Variants in RXFP1 observed in about 807,000 individuals in gnomAD.
RXFP1 encodes relaxin receptor 1.
Under a neutral mutation model 89.8 loss-of-function variants are expected in RXFP1, and 73 were observed. That is an observed-to-expected ratio of 0.81 (90% CI 0.67 to 0.99). The LOEUF (loss-of-function observed/expected upper bound fraction) is 0.99. Ranked by LOEUF, RXFP1 falls within the 50% of genes least tolerant of loss-of-function variation. The pLI is 0.00. For missense variants in RXFP1, 793 were observed against 895.5 expected (o/e 0.89, Z 1.46); for synonymous variants, 277 against 305.5 (o/e 0.91, Z 0.97).
chr4:158,563,581 G>C (rs1218080456), intron 1 of RXFP1, among the ~76,000 whole-genome samples: 1 of 151,030 alleles, frequency 6.6e-6, no homozygotes, highest in Non-Finnish European at 1.5e-5. Context: ...ACATGCAAAA[G>C]AGACCAATAA....
chr4:158,575,456 G>T (rs1755994433), intron 2 of RXFP1, among the ~76,000 whole-genome samples: 1 of 152,202 alleles, frequency 6.6e-6, no homozygotes, highest in Non-Finnish European at 1.5e-5. Flanking sequence ...TGGACTGAAT[G>T]CTTGTGTCCC....
chr4:158,594,871 T>G (rs1760229016), intron 3 of RXFP1, among the ~76,000 whole-genome samples: 1 of 152,300 alleles, frequency 6.6e-6, no homozygotes, highest in Admixed American at 6.5e-5. Context: ...GCATGCCAGA[T>G]TAACAATATG....
chr4:158,623,566 A>G (rs1280080609), intron 9 of RXFP1, among the ~76,000 whole-genome samples: 1 of 151,216 alleles, frequency 6.6e-6, no homozygotes, highest in Non-Finnish European at 1.5e-5. Context: ...GATCAAGTAG[A>G]ACCAAAATAA....
At chr4:158,603,705 C>A (rs2150105537) in intron 4 of RXFP1, among the ~76,000 whole-genome samples, 1 of 151,966 alleles carries the variant, frequency 6.6e-6, no homozygotes, top group African/African-American at 2.4e-5. Flanking sequence ...GCCTGACCAA[C>A]ATGGTGAAAC....
chr4:158,534,810 CACAT>C (rs1744901507), intron 1 of RXFP1, among the ~76,000 whole-genome samples: 1 of 150,662 alleles, frequency 6.6e-6, no homozygotes, highest in South Asian at 2.1e-4. Flanking sequence ...TTTTTTCACT[CACAT>C]ACAAACACCA....
chr4:158,533,170 T>A (rs1228244123), intron 1 of RXFP1, among the ~76,000 whole-genome samples: 1 of 152,066 alleles, frequency 6.6e-6, no homozygotes, highest in Non-Finnish European at 1.5e-5. Context: ...AACAAGTAAA[T>A]AAAAAGAAAG....
intron 1 of RXFP1, among the ~76,000 whole-genome samples, chr4:158,542,487 A>T (rs1467062049): frequency 6.6e-6 from 1 of 152,180 alleles, no homozygotes; most frequent in Non-Finnish European, 1.5e-5. Context: ...AAGGAAAGAA[A>T]GCTACATGTT....
intron 1 of RXFP1, among the ~76,000 whole-genome samples, chr4:158,537,036 C>T (rs1021028964): frequency 3.4e-5 from 5 of 148,484 alleles, no homozygotes; most frequent in Admixed American, 6.7e-5. Context: ...AAAGTAATTG[C>T]GGTTTTTGAC....
intron 4 of RXFP1, among the ~76,000 whole-genome samples, chr4:158,601,148 G>T (rs1761616024): frequency 6.6e-6 from 1 of 151,862 alleles, no homozygotes; most frequent in African/African-American, 2.4e-5. Flanking sequence ...TCATGATCTA[G>T]TATACACATA....
chr4:158,594,550 CA>C (rs887975039), intron 3 of RXFP1, among the ~76,000 whole-genome samples: 2 of 151,576 alleles, frequency 1.3e-5, no homozygotes, highest in Non-Finnish European at 2.9e-5. Flanking sequence ...TAGTGCTTTG[CA>C]CATAGTGAGC....
At chr4:158,597,931 G>A (rs144713234) in intron 3 of RXFP1, among the ~76,000 whole-genome samples, 15 of 152,262 alleles carry the variant, frequency 9.9e-5, no homozygotes, top group African/African-American at 3.6e-4. Context: ...CTGTTGTAAA[G>A]TTCTTGGCAG....
At chr4:158,609,341 G>A (rs375852329) in intron 6 of RXFP1, among the ~76,000 whole-genome samples, 2 of 152,106 alleles carry the variant, frequency 1.3e-5, no homozygotes, top group Non-Finnish European at 2.9e-5. Context: ...TTGTGTTCTC[G>A]TTTCATTTGT....
intron 14 of RXFP1, among the ~76,000 whole-genome samples, 155 bp downstream of exon 14, chr4:158,639,486 C>T (rs561876083): frequency 6.6e-6 from 1 of 152,170 alleles, no homozygotes; most frequent in African/African-American, 2.4e-5. Context: ...GAAATACTAA[C>T]CCCAATGCAA....
In RXFP1 at chr4:158,651,855, A is replaced by T; in HGVS notation, c.2074A>T (p.Ile692Phe). The T allele has an allele frequency of 6.2e-7, 1 of 1,614,180 alleles. No homozygotes were observed. Among genetic ancestry groups the T allele is most frequent in the South Asian group, 1.1e-5 (1 of 91,082 alleles). The change falls in exon 18 of 18, where the codon ATT becomes TTT. Residue 692 changes from isoleucine to phenylalanine, a missense_variant. By Grantham distance (21) the Ile-to-Phe change is conservative. Transcript: ENST00000307765. ...TLTTRPFKEM[I>F]HRFWYNYRQR... is the part of the protein sequence containing the mutation. ...GACCACAAGACCATTTAAAGAAATG[A>T]TTCATCGGTTTTGGTATAACTACAG...
rs974100683 is a variant in RXFP1 at position 158,579,780 on chromosome 4, G to A, written c.187+6945G>A. ...AGAATTTCCAATGAGCTGTTCTTAC[G>A]CATAATTGTATGTGGTATAAAACCT... On this transcript the variant is annotated intron_variant, in intron 2 of 17. Transcript: ENST00000307765. Among the ~76,000 whole-genome samples the A allele has an allele frequency of 4.6e-4, 70 of 152,164 alleles. 1 individual carries two copies. The highest frequency in any genetic ancestry group is 4.7e-4 in the Non-Finnish European group (32 of 68,034).
At chr4:158,609,561 G>C (rs11934794) in intron 6 of RXFP1, among the ~76,000 whole-genome samples, 47,517 of 152,074 alleles carry the variant, frequency 0.31, 13,710 homozygotes, top group African/African-American at 0.76. Flanking sequence ...ATACTGTTCT[G>C]TATCCTAACG....
intron 12 of RXFP1, among the ~76,000 whole-genome samples, chr4:158,635,845 C>A (rs1281274063): frequency 6.8e-6 from 1 of 146,280 alleles, no homozygotes; most frequent in Non-Finnish European, 1.5e-5. Context: ...TTGTTTATTT[C>A]CTCTTTTTTT....
At chr4:158,629,507 C>T (rs1446243993) in intron 11 of RXFP1, among the ~76,000 whole-genome samples, 2 of 152,020 alleles carry the variant, frequency 1.3e-5, no homozygotes, top group Non-Finnish European at 2.9e-5. Context: ...AACCAAAGCC[C>T]GTGGTCTAAG....
intron 2 of RXFP1, among the ~76,000 whole-genome samples, chr4:158,573,849 G>T (rs969417206): frequency 6.6e-6 from 1 of 152,214 alleles, no homozygotes; most frequent in African/African-American, 2.4e-5. Flanking sequence ...AGAATTAGAA[G>T]AGTACTGGAC....
Sources: allele counts gnomAD v4.1 joint callset (sites outside exome capture counted in the v4.1 genomes callset), GRCh38; gene constraint gnomAD v4.1.1; transcripts MANE v1.5; gene names NCBI Gene and HGNC (gene_info 2026-07-23, HGNC 2026-07-21).